The following FUT8 variants were observed in gnomAD, a reference collection of about 807,000 sequenced individuals.
FUT8 encodes fucosyltransferase 8.
Under a neutral mutation model 71.3 loss-of-function variants are expected in FUT8, and 29 were observed. The observed-to-expected ratio is 0.41, with a 90% CI of 0.30 to 0.55. FUT8 has a LOEUF of 0.55. Ranked by LOEUF, FUT8 falls within the 20% of genes least tolerant of loss-of-function variation. The pLI is 0.34. For synonymous variants in FUT8, 254 were observed against 239.3 expected (o/e 1.06, Z -0.57); for missense variants, 544 against 702.1 (o/e 0.77, Z 2.55).
At chr14:65,490,806 G>T (rs2066470965) in intron 2 of FUT8, among the ~76,000 whole-genome samples, 1 of 152,048 alleles carries the variant, frequency 6.6e-6, no homozygotes, top group Non-Finnish European at 1.5e-5. Context: ...CAAAAAGCAA[G>T]GTTTAGAGCC....
intron 6 of FUT8, among the ~76,000 whole-genome samples, chr14:65,633,476 G>A (rs529643093): frequency 6.6e-6 from 1 of 151,894 alleles, no homozygotes; most frequent in African/African-American, 2.4e-5. Context: ...CTGCCTGGCT[G>A]CCCAGTCTGG....
chr14:65,438,255 C>T (rs748951013), intron 1 of FUT8, among the ~76,000 whole-genome samples: 9 of 150,518 alleles, frequency 6.0e-5, no homozygotes, highest in Non-Finnish European at 1.3e-4. Flanking sequence ...CCTGTTACAA[C>T]AGAAATTAGG....
chr14:65,501,049 T>C (rs1443846812), intron 2 of FUT8, among the ~76,000 whole-genome samples: 1 of 152,180 alleles, frequency 6.6e-6, no homozygotes, highest in Non-Finnish European at 1.5e-5. Context: ...GAAGACCGTT[T>C]TCCAAAGCGA....
chr14:65,539,858 A>G (rs1469703722), intron 2 of FUT8, among the ~76,000 whole-genome samples: 1 of 152,226 alleles, frequency 6.6e-6, no homozygotes, highest in Admixed American at 6.5e-5. Context: ...AAAAGACCAC[A>G]CTGTGTAACT....
intron 5 of FUT8, among the ~76,000 whole-genome samples, chr14:65,618,256 A>G (rs1404978997): frequency 6.6e-6 from 1 of 151,718 alleles, no homozygotes; most frequent in African/African-American, 2.4e-5. Flanking sequence ...TAATTTGTTT[A>G]TATAACTCGC....
intron 2 of FUT8, among the ~76,000 whole-genome samples, chr14:65,464,688 C>A (rs2066016390): frequency 6.6e-6 from 1 of 152,018 alleles, no homozygotes; most frequent in Admixed American, 6.6e-5. Flanking sequence ...ACCTACCTTG[C>A]ATACTTGGAA....
intron 7 of FUT8, among the ~76,000 whole-genome samples, chr14:65,676,974 T>G (rs1594887577): frequency 6.6e-6 from 1 of 152,158 alleles, no homozygotes; most frequent in African/African-American, 2.4e-5. Flanking sequence ...AATTGTAGGC[T>G]AATTTCATGG....
chr14:65,682,229 G>A (rs1426600813), intron 7 of FUT8, among the ~76,000 whole-genome samples: 1 of 152,240 alleles, frequency 6.6e-6, no homozygotes, highest in East Asian at 1.9e-4. Context: ...GGGGCCAGGT[G>A]TGGTGGCTCA....
chr14:65,651,691 T>C (rs1431953364), intron 6 of FUT8, among the ~76,000 whole-genome samples: 1 of 151,984 alleles, frequency 6.6e-6, no homozygotes, highest in Non-Finnish European at 1.5e-5. Flanking sequence ...ACCAAAGTAA[T>C]AGATGATATA....
rs980190706 is a variant in FUT8, at chr14:65,413,257, T to A, written c.-326+43T>A. On this transcript the variant is annotated intron_variant, in intron 1 of 10. Transcript: ENST00000673929. This position sits in a 1 kb window ranked among gnomAD's most constrained non-coding sequence, Gnocchi z 4.1. The stretch of plus-strand genomic sequence containing the variant: ...GAGCCGGGCCCCGCGCGCCTCGGGG[T>A]CTTGGGCTGGGCTGCGCGCGGGATC... 16 of 152,280 alleles carry A rather than the reference T, an allele frequency of 1.1e-4. No homozygotes were observed. Among genetic ancestry groups the A allele is most frequent in the African/African-American group, 3.9e-4 (16 of 41,366 alleles). 9.4% of individuals were successfully genotyped at this position (152,280 alleles called of 1,614,324 possible).
the FUT8 span, among the ~76,000 whole-genome samples, chr14:65,400,340 G>C: frequency 1.3e-5 from 2 of 151,974 alleles, no homozygotes; most frequent in African/African-American, 2.4e-5. Flanking sequence ...CATTATTCTT[G>C]ATATTTCTTA....
intron 2 of FUT8, among the ~76,000 whole-genome samples, chr14:65,554,413 A>T (rs1885463761): frequency 7.9e-6 from 1 of 127,048 alleles, no homozygotes; most frequent in African/African-American, 2.9e-5. Context: ...TTTTTTTTTA[A>T]CTATATATCT....
At chr14:65,633,830 C>T (rs1890365586) in intron 6 of FUT8, among the ~76,000 whole-genome samples, 1 of 152,136 alleles carries the variant, frequency 6.6e-6, no homozygotes, top group South Asian at 2.1e-4. Flanking sequence ...CCGGCAGCCA[C>T]CCTGTCCGGG....
At chr14:65,646,316 T>G (rs1024970603) in intron 6 of FUT8, among the ~76,000 whole-genome samples, 3 of 152,166 alleles carry the variant, frequency 2.0e-5, no homozygotes, top group African/African-American at 7.2e-5. Context: ...AAACCTGAAA[T>G]AGAGAAAGCT....
chr14:65,550,060 AAAAACAAAAC>A lies in FUT8; in HGVS notation c.-227-11262_-227-11253del, dbSNP rs200701900. ...TGGGTGACAGAGCGAGACTCTGTCT[AAAAACAAAAC>A]AAAACAAAACAAAAAAGTTTACTTG... On this transcript the variant is annotated intron_variant, in intron 2 of 10. Coordinates refer to ENST00000673929, the MANE Select transcript of FUT8 (RefSeq NM_001371533.1). The surrounding 1 kb of genome is among the most constrained non-coding windows in gnomAD (Gnocchi z 4.5). Among the ~76,000 whole-genome samples the A allele has an allele frequency of 9.2e-5, 14 of 152,190 alleles. No individual in the cohort carries two copies. The highest frequency in any genetic ancestry group is 3.4e-4 in the African/African-American group (14 of 41,532).
At chr14:65,584,752 G>T (rs1887283507) in intron 3 of FUT8, among the ~76,000 whole-genome samples, 1 of 152,150 alleles carries the variant, frequency 6.6e-6, no homozygotes, top group Non-Finnish European at 1.5e-5. Context: ...AATATCAAGT[G>T]AAAATTAGTT....
At chr14:65,376,452 A>T in the FUT8 span, among the ~76,000 whole-genome samples, 1 of 85,578 alleles carries the variant, frequency 1.2e-5, no homozygotes, top group African/African-American at 3.5e-5. Flanking sequence ...TTCCTGTCAC[A>T]CAGGCTGGAG....
intron 2 of FUT8, among the ~76,000 whole-genome samples, chr14:65,505,034 T>G (rs1035529073): frequency 6.6e-6 from 1 of 152,204 alleles, no homozygotes; most frequent in African/African-American, 2.4e-5. Flanking sequence ...TTATTTTAGC[T>G]TTAGAGATGA....
rs1896536156 is a variant in FUT8, at chr14:65,742,179, T to C, written c.1497T>C (p.Phe499=). The change falls in exon 11 of 11, where the codon TTT becomes TTC. Residue 499 remains phenylalanine, a synonymous_variant. Transcript: ENST00000673929. ...ATTCTTTAGATGACATCTACTATTTTGGGGGCCAGAATGCCCACAATCAAA... is the reference window on the plus strand; with the variant it reads ...ATTCTTTAGATGACATCTACTATTTCGGGGGCCAGAATGCCCACAATCAAA... ...NFHSLDDIYY[F]GGQNAHNQIA... is the part of the protein sequence containing the mutation. The C allele has an allele frequency of 6.2e-7, 1 of 1,613,058 alleles. No individual in the cohort carries two copies. Among genetic ancestry groups the C allele is most frequent in the Non-Finnish European group, 8.5e-7 (1 of 1,179,404 alleles).
Sources: allele counts gnomAD v4.1 joint callset (sites outside exome capture counted in the v4.1 genomes callset), GRCh38; gene constraint gnomAD v4.1.1; non-coding constraint Gnocchi (gnomAD v3.1); transcripts MANE v1.5; gene names NCBI Gene and HGNC (gene_info 2026-07-23, HGNC 2026-07-21).